CEP128: variants seen among roughly 807,000 people sequenced by gnomAD.
The protein encoded by CEP128 is centrosomal protein 128kDa.
CEP128 carries 132 observed loss-of-function variants against 156.7 expected under a neutral mutation model. The ratio of observed to expected loss-of-function variants is 0.84; its 90% confidence interval spans 0.73 to 0.97. CEP128 has a LOEUF of 0.97. CEP128 is among the 50% of genes least tolerant of loss of function. The pLI is 0.00. For synonymous variants in CEP128, 469 were observed against 448.9 expected (o/e 1.04, Z -0.57); for missense variants, 1,252 against 1,281.9 (o/e 0.98, Z 0.36).
chr14:80,788,730 C>T (rs1409936208), intron 14 of CEP128, among the ~76,000 whole-genome samples: 1 of 152,102 alleles, frequency 6.6e-6, no homozygotes. Context: ...GCCCCTTACC[C>T]TACTTCTCCT....
chr14:80,641,342 T>G (rs1354185618), intron 19 of CEP128, among the ~76,000 whole-genome samples: 1 of 152,236 alleles, frequency 6.6e-6, no homozygotes, highest in African/African-American at 2.4e-5. Flanking sequence ...GACTTCTTGA[T>G]GTTCAAGGGC....
At chr14:80,790,092 T>C (rs1901626262) in intron 14 of CEP128, among the ~76,000 whole-genome samples, 1 of 152,116 alleles carries the variant, frequency 6.6e-6, no homozygotes, top group Admixed American at 6.6e-5. Context: ...AACTCTTTTT[T>C]TCTGTCAGCA....
At position 80,586,083 on chromosome 14, in the gene CEP128, C is replaced by A. The variant is rs559989206; in HGVS notation, c.2807-5660G>T. Among the ~76,000 whole-genome samples, 10 of 151,848 alleles carry A rather than the reference C, an allele frequency of 6.6e-5. No individual in the cohort carries two copies. The South Asian group carries it at 1.9e-3, about 28-fold the overall frequency. ...CATTGACATTTTAGAGACAAGAGAA[C>A]ACAGAAATAATCTAATCCTAGGGTT... On this transcript the variant is annotated intron_variant, in intron 19 of 24. Transcript: ENST00000555265.
intron 19 of CEP128, among the ~76,000 whole-genome samples, chr14:80,711,408 T>A (rs1897402012): frequency 6.6e-6 from 1 of 151,488 alleles, no homozygotes; most frequent in South Asian, 2.1e-4. Context: ...ATAATAACAA[T>A]CACTTCCCTT....
chr14:80,761,565 C>T lies in CEP128; in HGVS notation c.2425G>A (p.Ala809Thr). Residue 809 changes from alanine (A) to threonine (T), a missense_variant, in exon 17 of 25, where the codon GCC (alanine) becomes ACC (threonine). Transcript: ENST00000555265. ...EEEHLRRMEE[A>T]RLQLKDQLLC... ...AGTTGATCCTTGAGCTGCAATCTGG[C>T]CTCTTCCATCCTCCTTAAGTGCTCC... 6.2e-7 allele frequency: 1 copy of T among 1,611,882 alleles called. No homozygotes were observed. The highest frequency in any genetic ancestry group is 8.5e-7 in the Non-Finnish European group (1 of 1,178,480).
chr14:80,485,680 T>C (rs1887146521), downstream of CEP128, among the ~76,000 whole-genome samples: 1 of 152,166 alleles, frequency 6.6e-6, no homozygotes, highest in Non-Finnish European at 1.5e-5. Flanking sequence ...ATTTGGCACA[T>C]AATAGGTCCA....
intron 19 of CEP128, among the ~76,000 whole-genome samples, chr14:80,656,210 A>G (rs1895127224): frequency 6.8e-6 from 1 of 147,748 alleles, no homozygotes; most frequent in Admixed American, 6.8e-5. Context: ...AATGAGTTAC[A>G]TAGAAGAAAA....
chr14:80,519,961 G>T (rs552401416), intron 23 of CEP128, among the ~76,000 whole-genome samples: 1 of 152,268 alleles, frequency 6.6e-6, no homozygotes, highest in South Asian at 2.1e-4. Context: ...GTCTCTTGAT[G>T]TAAAAAAATT....
intron 13 of CEP128, among the ~76,000 whole-genome samples, chr14:80,828,123 C>CTTTT (rs1008856396): frequency 1.6e-4 from 20 of 126,970 alleles, no homozygotes; most frequent in African/African-American, 5.3e-4. Flanking sequence ...CTTCTTTTTT[C>CTTTT]TTTTTTTTTT....
intron 19 of CEP128, among the ~76,000 whole-genome samples, chr14:80,686,887 C>A (rs897243676): frequency 6.6e-6 from 1 of 152,060 alleles, no homozygotes; most frequent in Admixed American, 6.6e-5. Context: ...ACAAAAAGAT[C>A]TAACTAACCT....
At chr14:80,577,232 G>A (rs931443616) in intron 20 of CEP128, among the ~76,000 whole-genome samples, 1 of 151,882 alleles carries the variant, frequency 6.6e-6, no homozygotes, top group African/African-American at 2.4e-5. Flanking sequence ...ACTTCCCCTG[G>A]GAATTCACAT....
intron 9 of CEP128, among the ~76,000 whole-genome samples, chr14:80,841,873 T>G (rs938331174): frequency 6.6e-6 from 1 of 152,016 alleles, no homozygotes; most frequent in African/African-American, 2.4e-5. Context: ...AAGCAATGTC[T>G]GGCTCCTAGC....
intron 19 of CEP128, among the ~76,000 whole-genome samples, chr14:80,659,112 C>G (rs904546090): frequency 6.6e-6 from 1 of 152,134 alleles, no homozygotes; most frequent in East Asian, 1.9e-4. Context: ...AAAAATCTAA[C>G]TTCCCATCAA....
At chr14:80,845,189 CTTAA>C (rs1170921305) in intron 9 of CEP128, among the ~76,000 whole-genome samples, 1 of 152,132 alleles carries the variant, frequency 6.6e-6, no homozygotes, top group Admixed American at 6.6e-5. Context: ...AAAACAAAAC[CTTAA>C]TTACTTCATG....
At chr14:80,833,891 T>C (rs1398734357) in intron 12 of CEP128, among the ~76,000 whole-genome samples, 6 of 152,130 alleles carry the variant, frequency 3.9e-5, no homozygotes, top group Non-Finnish European at 8.8e-5. Context: ...ATAAATAATT[T>C]CTATGTTCTT....
chr14:80,613,720 T>C lies in CEP128; in HGVS notation c.2807-33297A>G, dbSNP rs183328960. Among the ~76,000 whole-genome samples the C allele has an allele frequency of 1.3e-4, 20 of 152,272 alleles. No homozygotes were observed. In the East Asian group the frequency reaches 3.9e-3, roughly 29 times the overall value. On this transcript the variant is annotated intron_variant, in intron 19 of 24. Transcript: ENST00000555265. ...CTATATGTACATATGCTGTTTATAT[T>C]TCTAAATGTAAATTCTAACTTTGAT...
intron 14 of CEP128, among the ~76,000 whole-genome samples, chr14:80,484,796 T>C (rs544496953): frequency 7.9e-5 from 12 of 152,208 alleles, no homozygotes; most frequent in South Asian, 2.1e-4. Flanking sequence ...AGAAGAGAAA[T>C]AGACACTGGA....
In CEP128 at chr14:80,743,252, G is replaced by A. The variant is rs1451431299; in HGVS notation, c.2629C>T (p.Leu877Phe). 1 of 1,611,788 alleles carries A rather than the reference G, an allele frequency of 6.2e-7. No individual in the cohort carries two copies. Among genetic ancestry groups the A allele is most frequent in the Admixed American group, 1.7e-5 (1 of 59,876 alleles). The change falls in exon 19 of 25, where the codon CTC becomes TTC. Residue 877 changes from leucine to phenylalanine, a missense_variant. Physicochemically the swap from Leu to Phe is conservative, Grantham distance 22. Coordinates refer to ENST00000555265, the MANE Select transcript of CEP128 (RefSeq NM_152446.5). ...LAESKTKLQW[L>F]CEELKERENR... Reference sequence around the variant, plus strand: ...TCTCTCTCTTTCAGTTCCTCACAGAGCCACTGAAGTTTAGTCTAAAAAATA... The same window carrying A: ...TCTCTCTCTTTCAGTTCCTCACAGAACCACTGAAGTTTAGTCTAAAAAATA...
chr14:80,518,257 G>A (rs1444555444), intron 23 of CEP128, among the ~76,000 whole-genome samples: 1 of 151,362 alleles, frequency 6.6e-6, no homozygotes, highest in Non-Finnish European at 1.5e-5. Context: ...TTTACTACCT[G>A]ACTGGTCGGG....
Sources: gnomAD v4.1 joint callset for allele counts (sites outside exome capture counted in the v4.1 genomes callset) on GRCh38, gnomAD v4.1.1 for gene constraint, MANE v1.5 for transcripts, NCBI Gene and HGNC (gene_info 2026-07-23, HGNC 2026-07-21) for gene names.